Variants in NELL1 observed in about 807,000 individuals in gnomAD.
NELL1 encodes the protein neural EGFL like 1.
In NELL1, 76 loss-of-function variants were observed where a neutral mutation model predicts 107.4. The observed-to-expected ratio is 0.71, with a 90% CI of 0.59 to 0.86. NELL1 has a LOEUF of 0.86. Ranked by LOEUF, NELL1 falls within the 40% of genes least tolerant of loss-of-function variation. The pLI is 0.00. For synonymous variants in NELL1, 353 were observed against 341.2 expected, an observed-to-expected ratio of 1.03 and a Z score of -0.38; for missense variants, 1,024 against 1,005.5, an observed-to-expected ratio of 1.02 and a Z score of -0.25.
At chr11:20,988,229 T>A (rs1851891333) in intron 12 of NELL1, among the ~76,000 whole-genome samples, 1 of 152,166 alleles carries the variant, frequency 6.6e-6, no homozygotes, top group African/African-American at 2.4e-5. Flanking sequence ...CTAAGAGCCC[T>A]TCTTCTGGGT....
At chr11:20,844,588 T>C (rs1011403987) in intron 3 of NELL1, among the ~76,000 whole-genome samples, 13 of 152,130 alleles carry the variant, frequency 8.5e-5, no homozygotes, top group Admixed American at 4.6e-4. Flanking sequence ...CAGCCTACTG[T>C]CACTTCCAGT....
chr11:21,159,300 C>T (rs1856311278), intron 13 of NELL1, among the ~76,000 whole-genome samples: 2 of 152,096 alleles, frequency 1.3e-5, no homozygotes, highest in South Asian at 4.1e-4. Context: ...CTCAGTTCTC[C>T]AGTGGGGTTA....
intron 12 of NELL1, among the ~76,000 whole-genome samples, chr11:21,092,173 G>A (rs1289938957): frequency 6.6e-6 from 1 of 152,152 alleles, no homozygotes; most frequent in Non-Finnish European, 1.5e-5. Context: ...AGTAGTTCAG[G>A]ATTTTGGTCA....
At chr11:20,996,176 G>GTTGT (rs904040134) in intron 12 of NELL1, among the ~76,000 whole-genome samples, 38 of 152,274 alleles carry the variant, frequency 2.5e-4, no homozygotes, top group African/African-American at 8.7e-4. Flanking sequence ...ACTTAAAACT[G>GTTGT]TTGTTTGGAT....
intron 12 of NELL1, among the ~76,000 whole-genome samples, chr11:21,092,220 T>A (rs565606608): frequency 6.6e-6 from 1 of 152,288 alleles, no homozygotes; most frequent in East Asian, 1.9e-4. Flanking sequence ...TTAGGTAGAC[T>A]GAAAATATTC....
intron 16 of NELL1, among the ~76,000 whole-genome samples, chr11:21,534,829 A>G (rs745451298): frequency 9.2e-5 from 14 of 152,048 alleles, no homozygotes. Flanking sequence ...GAAATTTTTG[A>G]CAGTTTGGGA....
chr11:21,342,311 G>T (rs1414561880), intron 14 of NELL1, among the ~76,000 whole-genome samples: 2 of 150,892 alleles, frequency 1.3e-5, no homozygotes, highest in Non-Finnish European at 3.0e-5. Flanking sequence ...TAACATGGGT[G>T]CAATAGCATT....
intron 4 of NELL1, among the ~76,000 whole-genome samples, chr11:20,874,214 C>T (rs1849260709): frequency 6.6e-6 from 1 of 152,152 alleles, no homozygotes; most frequent in Non-Finnish European, 1.5e-5. Flanking sequence ...ATTATAGGCA[C>T]ATGCCAACAC....
chr11:21,293,269 G>A (rs376447328), intron 14 of NELL1, among the ~76,000 whole-genome samples: 5 of 152,166 alleles, frequency 3.3e-5, no homozygotes, highest in African/African-American at 9.6e-5. Flanking sequence ...TCAAAAAGTG[G>A]GTGAAGGATA....
At chr11:20,712,052 C>T (rs530936186) in intron 2 of NELL1, among the ~76,000 whole-genome samples, 2 of 152,106 alleles carry the variant, frequency 1.3e-5, no homozygotes, top group South Asian at 4.1e-4. Context: ...GTGTTCCAAA[C>T]TTTTAGATTT....
At chr11:21,349,205 G>A (rs1209929806) in intron 14 of NELL1, among the ~76,000 whole-genome samples, 1 of 152,184 alleles carries the variant, frequency 6.6e-6, no homozygotes, top group Non-Finnish European at 1.5e-5. Context: ...ACTGGTATAT[G>A]TGTGATGCCT....
At chr11:21,516,703 T>C (rs1855570146) in intron 15 of NELL1, among the ~76,000 whole-genome samples, 1 of 151,842 alleles carries the variant, frequency 6.6e-6, no homozygotes, top group Non-Finnish European at 1.5e-5. Flanking sequence ...AGGATCACTG[T>C]TGTATACATG....
At chr11:21,285,366 G>A (rs1312759866) in intron 14 of NELL1, among the ~76,000 whole-genome samples, 1 of 152,144 alleles carries the variant, frequency 6.6e-6, no homozygotes, top group African/African-American at 2.4e-5. Context: ...CTGCAGAGAA[G>A]CCTGGCTTCT....
At chr11:21,032,167 C>T (rs926124743) in intron 12 of NELL1, among the ~76,000 whole-genome samples, 2 of 151,792 alleles carry the variant, frequency 1.3e-5, no homozygotes, top group Non-Finnish European at 2.9e-5. Context: ...AATTATTAAT[C>T]TAGGTCAGGC....
chr11:21,431,684 C>A (rs1171512932), intron 15 of NELL1, among the ~76,000 whole-genome samples: 1 of 152,158 alleles, frequency 6.6e-6, no homozygotes, highest in East Asian at 1.9e-4. Context: ...TGGAAGTAGT[C>A]TCCGTTTGTG....
At position 21,380,984 on chromosome 11, in the gene NELL1, G is replaced by A. The variant is rs941399877; in HGVS notation, c.1645+10036G>A. On this transcript the variant is annotated intron_variant, in intron 15 of 19. Transcript: ENST00000357134. Reference sequence around the variant, plus strand: ...AAATTTTGCATTTATTATTTCCTGTGAGGGAGTTACTTTTATCCTTTTGGA... The same window carrying A: ...AAATTTTGCATTTATTATTTCCTGTAAGGGAGTTACTTTTATCCTTTTGGA... Among the ~76,000 whole-genome samples, 5 of 151,954 alleles carry A rather than the reference G, an allele frequency of 3.3e-5. No homozygotes were observed. The East Asian group carries it at 9.7e-4, about 30-fold the overall frequency.
At chr11:21,314,241 G>C (rs1810554032) in intron 14 of NELL1, among the ~76,000 whole-genome samples, 2 of 151,964 alleles carry the variant, frequency 1.3e-5, no homozygotes, top group Non-Finnish European at 2.9e-5. Flanking sequence ...ATCCATTCAT[G>C]GCCCAATCAC....
At chr11:20,913,947 A>AG (rs1316192497) in intron 5 of NELL1, among the ~76,000 whole-genome samples, 1 of 152,086 alleles carries the variant, frequency 6.6e-6, no homozygotes, top group Non-Finnish European at 1.5e-5. Flanking sequence ...TAATACAAAT[A>AG]GTTTTGCATG....
intron 10 of NELL1, among the ~76,000 whole-genome samples, chr11:20,941,131 G>A (rs190842381): frequency 9.2e-4 from 140 of 151,944 alleles, no homozygotes; most frequent in African/African-American, 3.2e-3. Flanking sequence ...AGAGTGAGAC[G>A]CCATCTCAAA....
Sources: allele counts gnomAD v4.1 joint callset (sites outside exome capture counted in the v4.1 genomes callset), GRCh38; gene constraint gnomAD v4.1.1; transcripts MANE v1.5; gene names NCBI Gene and HGNC (gene_info 2026-07-23, HGNC 2026-07-21).